The following ANK1 variants were observed in gnomAD, a reference collection of about 807,000 sequenced individuals.
ANK1 encodes ankyrin 1, also known as ankyrin-1.
A neutral mutation model predicts 210.4 loss-of-function variants in ANK1; 51 were observed. The ratio of observed to expected loss-of-function variants is 0.24; its 90% CI spans 0.19 to 0.31. ANK1 has a LOEUF of 0.31. Ranked by LOEUF, ANK1 falls within the 10% of genes least tolerant of loss-of-function variation. The pLI is 1.00. For missense variants in ANK1, 2,051 were observed against 2,504.4 expected (o/e 0.82, Z 3.86); for synonymous variants, 967 against 1,025.9 (o/e 0.94, Z 1.10).
chr8:41,846,483 T>C (rs371617061), intron 1 of ANK1, among the ~76,000 whole-genome samples: 1 of 152,222 alleles, frequency 6.6e-6, no homozygotes, highest in African/African-American at 2.4e-5. Context: ...CCATCTGAGC[T>C]GACTCCTGAA....
chr8:41,677,653 A>G (rs968598262), intron 37 of ANK1, among the ~76,000 whole-genome samples: 1 of 150,968 alleles, frequency 6.6e-6, no homozygotes, highest in Non-Finnish European at 1.5e-5. Flanking sequence ...GCAATGGTGC[A>G]ATCTTGGTTC....
intron 1 of ANK1, among the ~76,000 whole-genome samples, chr8:41,894,757 T>C (rs1820129551): frequency 6.6e-6 from 1 of 151,832 alleles, no homozygotes; most frequent in Admixed American, 6.6e-5. Flanking sequence ...GCCAAGAAAG[T>C]GGGTGAGCAT....
intron 1 of ANK1, among the ~76,000 whole-genome samples, chr8:41,813,507 C>G (rs1258218678): frequency 6.6e-6 from 1 of 152,120 alleles, no homozygotes; most frequent in Non-Finnish European, 1.5e-5. Context: ...TACAGTCACC[C>G]CCAATTTTAC....
At chr8:41,889,814 C>T (rs1462769093) in intron 1 of ANK1, among the ~76,000 whole-genome samples, 1 of 152,230 alleles carries the variant, frequency 6.6e-6, no homozygotes, top group Admixed American at 6.5e-5. Context: ...ATATACAGCA[C>T]TGGTGCCACA....
intron 1 of ANK1, among the ~76,000 whole-genome samples, chr8:41,847,065 A>G (rs1332402477): frequency 6.6e-6 from 1 of 152,264 alleles, no homozygotes; most frequent in East Asian, 1.9e-4. Context: ...TCCAGTGAAG[A>G]AACTGAGATT....
chr8:41,848,520 G>A (rs1363435520), intron 1 of ANK1, among the ~76,000 whole-genome samples: 1 of 152,206 alleles, frequency 6.6e-6, no homozygotes, highest in Non-Finnish European at 1.5e-5. Flanking sequence ...CCCTTCCCCA[G>A]TGGCCAGCCC....
intron 1 of ANK1, among the ~76,000 whole-genome samples, chr8:41,863,781 G>A (rs2150819928): frequency 6.6e-6 from 1 of 152,282 alleles, no homozygotes; most frequent in South Asian, 2.1e-4. Context: ...CTGTGCTGGG[G>A]CCGGGAACAG....
chr8:41,773,982 G>A (rs2150737752), intron 1 of ANK1, among the ~76,000 whole-genome samples: 1 of 152,332 alleles, frequency 6.6e-6, no homozygotes, highest in Middle Eastern at 3.4e-3. Flanking sequence ...AATGTTTTAT[G>A]TACAATAACA....
intron 4 of ANK1, among the ~76,000 whole-genome samples, chr8:41,727,630 C>A (rs1449792052): frequency 6.6e-6 from 1 of 152,222 alleles, no homozygotes; most frequent in African/African-American, 2.4e-5. Flanking sequence ...TTCCCCCAGT[C>A]CTCAGTTTCT....
Position 41,794,264 on chromosome 8 carries a change from C to T in ANK1, c.27+3248G>A, listed in dbSNP as rs2150766421. On this transcript the variant is annotated intron_variant, in intron 1 of 42. Coordinates refer to ENST00000289734, the MANE Select transcript of ANK1 (RefSeq NM_000037.4). ...GCCCCTTTCCCAATCTCTCTGACCTCACCTCCTCCTGCTCCTCCTGCCTCA... is the reference window on the plus strand; with the variant it reads ...GCCCCTTTCCCAATCTCTCTGACCTTACCTCCTCCTGCTCCTCCTGCCTCA... 1.3e-5 allele frequency among the ~76,000 whole-genome samples: 2 copies of T among 152,324 alleles called. 1 individual carries two copies. Among genetic ancestry groups the T allele is most frequent in the Middle Eastern group, 6.8e-3 (2 of 294 alleles).
At chr8:41,806,695 T>C (rs1224980535) in intron 1 of ANK1, among the ~76,000 whole-genome samples, 2 of 152,192 alleles carry the variant, frequency 1.3e-5, no homozygotes, top group Non-Finnish European at 2.9e-5. Context: ...CAGTGAGCTA[T>C]GATGGTGCCA....
chr8:41,656,831 A>G (rs992879498), intron 42 of ANK1, among the ~76,000 whole-genome samples: 141 of 152,264 alleles, frequency 9.3e-4, no homozygotes, highest in African/African-American at 3.3e-3. Context: ...GTGGTTCCCC[A>G]GGGATGGGAG....
At chr8:41,730,519 C>T (rs1831924604) in intron 3 of ANK1, among the ~76,000 whole-genome samples, 1 of 151,952 alleles carries the variant, frequency 6.6e-6, no homozygotes, top group Non-Finnish European at 1.5e-5. Context: ...AGGCACTTCC[C>T]ATCTGTTGCC....
intron 2 of ANK1, among the ~76,000 whole-genome samples, chr8:41,747,924 T>C (rs1836590831): frequency 6.6e-6 from 1 of 152,170 alleles, no homozygotes; most frequent in Non-Finnish European, 1.5e-5. Context: ...CTGGGGCAGA[T>C]CACCCAGAGC....
intron 1 of ANK1, among the ~76,000 whole-genome samples, chr8:41,803,115 A>AAAGGAAAGGAAAGGAAAGGAAAGGAAAG (rs1850395100): frequency 6.8e-6 from 1 of 147,708 alleles, no homozygotes; most frequent in African/African-American, 2.5e-5. Flanking sequence ...AAAGGAAAGG[A>AAAGGAAAGGAAAGGAAAGGAAAGGAAAG]AAGGAAAGGA....
chr8:41,659,839 G>A (rs1194049210), intron 42 of ANK1, among the ~76,000 whole-genome samples: 4 of 151,920 alleles, frequency 2.6e-5, no homozygotes, highest in African/African-American at 7.3e-5. Context: ...AGGTTGGGGG[G>A]CTTCAGCCAC....
chr8:41,809,930 A>G (rs1802230249), intron 1 of ANK1, among the ~76,000 whole-genome samples: 1 of 152,204 alleles, frequency 6.6e-6, no homozygotes, highest in Admixed American at 6.5e-5. Flanking sequence ...CTGTTGTTTC[A>G]GGTTAACTGA....
chr8:41,717,451 C>A (rs1828005885), intron 12 of ANK1, among the ~76,000 whole-genome samples, 153 bp downstream of exon 12: 1 of 152,248 alleles, frequency 6.6e-6, no homozygotes, highest in African/African-American at 2.4e-5. Context: ...CAGAAAGCGT[C>A]AGTACACAGG....
intron 6 of ANK1, among the ~76,000 whole-genome samples, chr8:41,724,991 C>T (rs1038480682): frequency 6.6e-6 from 1 of 152,170 alleles, no homozygotes; most frequent in Non-Finnish European, 1.5e-5. Context: ...TCCCCAGTAG[C>T]TGGGACTACA....
Sources: gnomAD v4.1 joint callset for allele counts (sites outside exome capture counted in the v4.1 genomes callset) on GRCh38, gnomAD v4.1.1 for gene constraint, MANE v1.5 for transcripts, NCBI Gene and HGNC (gene_info 2026-07-23, HGNC 2026-07-21) for gene names.